The following PLXNB3 variants were observed in gnomAD, a reference collection of about 807,000 sequenced individuals.
PLXNB3 encodes the protein plexin-B3.
Under a neutral mutation model 125.7 loss-of-function variants are expected in PLXNB3, and 80 were observed. The observed-to-expected ratio is 0.64, with a 90% CI of 0.53 to 0.77. The LOEUF (loss-of-function observed/expected upper bound fraction) is 0.77. Ranked by LOEUF, PLXNB3 falls within the 30% of genes least tolerant of loss-of-function variation. PLXNB3 has a pLI of 0.00. For synonymous variants in PLXNB3, 954 were observed against 783.3 expected (o/e 1.22, Z -3.64); for missense variants, 1,836 against 1,729.3 (o/e 1.06, Z -1.09).
Position 153,774,912 on chromosome X carries a change from G to T in PLXNB3, c.3964G>T (p.Asp1322Tyr), listed in dbSNP as rs782642884. Reference sequence around the variant, plus strand: ...GACGGAGATGACCGACCTCAGCAGCGACCTGGAGGGCAGCGGGATCCCCTT... The same window carrying T: ...GACGGAGATGACCGACCTCAGCAGCTACCTGGAGGGCAGCGGGATCCCCTT... Reference protein sequence around the residue: ...LMTEMTDLSSDLEGSGIPFLD... With the variant: ...LMTEMTDLSSYLEGSGIPFLD... Residue 1322 changes from aspartate to tyrosine, a missense_variant, in exon 24 of 36, where the codon GAC (aspartate) becomes TAC (tyrosine). Transcript: ENST00000361971. 8.4e-7 allele frequency: 1 copy of T among 1,191,395 alleles called. No individual in the cohort carries two copies.
chrX:153,772,123 G>GCGTGGAGAAGGTGCGCTCGGTAGCAGCT, intron 15 of PLXNB3, 59 bp from the exon 16 acceptor site: 2 of 1,138,430 alleles, frequency 1.8e-6, no homozygotes, highest in South Asian at 3.9e-5. Flanking sequence ...GTCAGGGGAG[G>GCGTGGAGAAGGTGCGCTCGGTAGCAGCT]GGTGGGCTGT....
rs1485864065 is a variant in PLXNB3 at position 153,775,013 on chromosome X, G to T, written c.4065G>T (p.Glu1355Asp). 3 of 1,206,978 alleles carry T rather than the reference G, an allele frequency of 2.5e-6. No homozygotes were observed. Among genetic ancestry groups the T allele is most frequent in the Non-Finnish European group, 3.4e-6 (3 of 893,266 alleles). ...HGGCPLQPKP[E>D]GPGEDGHCAT... The stretch of plus-strand genomic sequence containing the variant: ...GTTGCCCGCTGCAGCCCAAGCCTGA[G>T]GGGCCAGGGGAGGACGGCCACTGTG... Residue 1355 changes from glutamate (E) to aspartate (D), a missense_variant, in exon 24 of 36, where the codon GAG (glutamate) becomes GAT (aspartate). Physicochemically the swap from Glu to Asp is conservative, Grantham distance 45. Transcript: ENST00000361971.
In PLXNB3 at chrX:153,768,438, C is replaced by T. The variant is rs369042512; in HGVS notation, c.1266+10C>T. 187 of 1,182,510 alleles carry T rather than the reference C, an allele frequency of 1.6e-4. 1 individual carries two copies. The highest frequency in any genetic ancestry group is 1.3e-3 in the African/African-American group (73 of 57,032). On this transcript the variant is annotated intron_variant, in intron 4 of 35. Transcript: ENST00000361971. ...GGGCCAGCTGTACAAGGTGAGGGCC[C>T]GGCCTTGCTGTCCGGCTGGGTGTGC...
Position 153,775,100 on chromosome X carries a change from C to T in PLXNB3, c.4152C>T (p.Leu1384=). ...TGCTCAACAGCAAGCTCTTCCTCCT[C>T]ACGGTGAGGGCCGTGTGGCGGGAGT... ...SNLLNSKLFL[L]TLIHTLEEQP... is the part of the protein sequence containing the mutation. The change falls in exon 24 of 36, where the codon CTC becomes CTT. Residue 1384 remains leucine, a synonymous_variant. Coordinates refer to ENST00000361971, the MANE Select transcript of PLXNB3 (RefSeq NM_005393.3). The T allele has an allele frequency of 1.7e-6, 2 of 1,197,403 alleles. No homozygotes were observed. Among genetic ancestry groups the T allele is most frequent in the Non-Finnish European group, 2.3e-6 (2 of 888,032 alleles).
rs782313304 is a variant in PLXNB3 at position 153,773,926 on chromosome X, G to C, written c.3347G>C (p.Arg1116Thr). ...LLCRSPAVPD[R>T]AHPQRVFFTL... ...TGCCGGAGCCCTGCTGTACCAGACA[G>C]AGCCCACCCGCAGCGGGTCTTCTTC... Residue 1116 changes from arginine to threonine, a missense_variant, in exon 20 of 36, where the codon AGA becomes ACA. Coordinates refer to ENST00000361971, the MANE Select transcript of PLXNB3 (RefSeq NM_005393.3). 7.4e-6 allele frequency: 9 copies of C among 1,210,174 alleles called. No individual in the cohort carries two copies. Among genetic ancestry groups the C allele is most frequent in the Non-Finnish European group, 8.9e-6 (8 of 895,220 alleles).
At position 153,770,946 on chromosome X, in the gene PLXNB3, T is replaced by A; in HGVS notation, c.2137-19T>A. ...TCTGCCAACAGCGTGTCCACACTCC[T>A]GACAGCGTCCTTCCCCAGGGCCTGC... On this transcript the variant is annotated intron_variant, in intron 11 of 35. Transcript: ENST00000361971. The A allele has an allele frequency of 8.3e-7, 1 of 1,208,612 alleles. No individual in the cohort carries two copies.
intron 6 of PLXNB3, 91 bp from the exon 7 acceptor site, chrX:153,769,713 CACT>C: frequency 1.1e-6 from 1 of 935,108 alleles, no homozygotes. Context: ...CACCCCACTG[CACT>C]CCAGCTGGGC....
chrX:153,778,182 C>T, intron 32 of PLXNB3, 79 bp from the exon 33 acceptor site: 1 of 1,196,776 alleles, frequency 8.4e-7, no homozygotes, highest in Non-Finnish European at 1.1e-6. Flanking sequence ...GCACAGAGCT[C>T]TGGGTGGGCA....
chrX:153,778,586 C>T lies in PLXNB3; in HGVS notation c.5551-14C>T, dbSNP rs782521303. The T allele has an allele frequency of 2.3e-5, 27 of 1,195,069 alleles. No homozygotes were observed. The highest frequency in any genetic ancestry group is 2.3e-4 in the Middle Eastern group (1 of 4,317). On this transcript the variant is annotated splice_polypyrimidine_tract_variant and intron_variant, in intron 34 of 35. Transcript: ENST00000361971. Reference sequence around the variant, plus strand: ...GCTGGGACCTCACTGCCCCCCTCCACGTGGTGCCCCCAGAACTACACTTCT... The same window carrying T: ...GCTGGGACCTCACTGCCCCCCTCCATGTGGTGCCCCCAGAACTACACTTCT...
chrX:153,774,149 T>C (rs372457629), intron 20 of PLXNB3, 37 bp from the exon 21 acceptor site: 44 of 1,201,635 alleles, frequency 3.7e-5, no homozygotes, highest in Non-Finnish European at 4.7e-5. Flanking sequence ...GCCGCCTCTG[T>C]GGGGGCCAGC....
chrX:153,768,262 C>T lies in PLXNB3; in HGVS notation c.1100C>T (p.Ser367Leu), dbSNP rs1444686074. 9.2e-6 allele frequency: 11 copies of T among 1,189,950 alleles called. No homozygotes were observed. In the East Asian group the frequency reaches 1.2e-4, roughly 13 times the overall value. ...CVTLPLDSPE[S>L]YPCGDEHTPS... ...CCTGCCACGTAGGATTCCCCCGAGTCGTACCCCTGTGGCGACGAGCACACC... is the reference window on the plus strand; with the variant it reads ...CCTGCCACGTAGGATTCCCCCGAGTTGTACCCCTGTGGCGACGAGCACACC... The change falls in exon 4 of 36, where the codon TCG becomes TTG. Residue 367 changes from serine to leucine, a missense_variant. By Grantham distance (145) the Ser-to-Leu change is moderately radical (BLOSUM62 -2). Coordinates refer to ENST00000361971, the MANE Select transcript of PLXNB3 (RefSeq NM_005393.3).
Position 153,770,750 on chromosome X carries a change from T to C in PLXNB3, c.2011-8T>C. ...GTTCTGAAGGGCTGAGGGCTCTTGT[T>C]TTCCCAGGTGGACATCCAGGTGCGT... is the stretch of plus-strand genomic sequence containing the variant. On this transcript the variant is annotated splice_region_variant and splice_polypyrimidine_tract_variant and intron_variant, in intron 10 of 35. Transcript: ENST00000361971. The C allele has an allele frequency of 8.3e-7, 1 of 1,203,945 alleles. No homozygotes were observed. The highest frequency in any genetic ancestry group is 1.1e-6 in the Non-Finnish European group (1 of 890,008).
intron 2 of PLXNB3, chrX:153,766,247 T>C: frequency 8.6e-7 from 1 of 1,166,363 alleles, no homozygotes; most frequent in Non-Finnish European, 1.1e-6. Flanking sequence ...GACTTGCTCC[T>C]TGCTCAGCCC....
Position 153,771,944 on chromosome X carries a change from T to C in PLXNB3, c.2598T>C (p.Asp866=), listed in dbSNP as rs1339240030. 5.8e-6 allele frequency: 7 copies of C among 1,209,711 alleles called. No homozygotes were observed. Among genetic ancestry groups the C allele is most frequent in the South Asian group, 5.3e-5 (3 of 56,988 alleles). The change falls in exon 15 of 36, where the codon GAT becomes GAC. Residue 866 remains aspartate, a synonymous_variant. Transcript: ENST00000361971. ...LGSNLGRAFA[D]VQYAVSVASR... ...CCAACCTGGGCCGGGCCTTCGCCGA[T>C]GTGCAGTACGCCGTGAGCGTGGCCA... is the stretch of plus-strand genomic sequence containing the variant.
rs782536630 is a variant in PLXNB3 at position 153,772,165 on chromosome X, A to G, written c.2670-17A>G. On this transcript the variant is annotated splice_polypyrimidine_tract_variant and intron_variant, in intron 15 of 35. Coordinates refer to ENST00000361971, the MANE Select transcript of PLXNB3 (RefSeq NM_005393.3). ...CGTCCCTGAGCCCTGAGCAGCTCCC[A>G]GGCCTCGGCTTTCCAGGATTGTGTG... 1 of 997,352 alleles carries G rather than the reference A, an allele frequency of 1.0e-6. No homozygotes were observed. The highest frequency in any genetic ancestry group is 1.3e-6 in the Non-Finnish European group (1 of 780,958). The allele number at this position is 997,352 out of a possible 1,213,427, so 82.2% of individuals were successfully genotyped here.
intron 9 of PLXNB3, 39 bp downstream of exon 9, chrX:153,770,485 A>T (rs376548741): frequency 8.3e-7 from 1 of 1,198,345 alleles, no homozygotes; most frequent in African/African-American, 1.8e-5. Flanking sequence ...AGGGGTGGCG[A>T]CCCCAGAGGG....
Position 153,773,524 on chromosome X carries a change from G to A in PLXNB3, c.3090G>A (p.Gly1030=). Residue 1030 remains glycine, a synonymous_variant, in exon 19 of 36, where the codon GGG becomes GGA. Transcript: ENST00000361971. The stretch of plus-strand genomic sequence containing the variant: ...GACTGCCATCCTGGTACAGGGGTGG[G>A]CGACTGATCCGTGTCAGGGGCACCG... ...AEPSASFRGG[G]RLIRVRGTGL... The A allele has an allele frequency of 8.4e-7, 1 of 1,196,192 alleles. No individual in the cohort carries two copies. Among genetic ancestry groups the A allele is most frequent in the Non-Finnish European group, 1.1e-6 (1 of 886,688 alleles).
chrX:153,772,003 G>A lies in PLXNB3; in HGVS notation c.2657G>A (p.Arg886His), dbSNP rs782764892. 26 of 1,193,404 alleles carry A rather than the reference G, an allele frequency of 2.2e-5. No individual in the cohort carries two copies. Among genetic ancestry groups the A allele is most frequent in the African/African-American group, 1.9e-4 (11 of 57,350 alleles). The stretch of plus-strand genomic sequence containing the variant: ...TGCAACCCTGAGCCCTCTCTCTACC[G>A]CACGTCGGCCCGGTGAGGCACTTGG... Reference protein sequence around the residue: ...RPCNPEPSLYRTSARIVCVTS... With the variant: ...RPCNPEPSLYHTSARIVCVTS... Residue 886 changes from arginine (R) to histidine (H), a missense_variant, in exon 15 of 36, where the codon CGC (arginine) becomes CAC (histidine). Physicochemically the swap from Arg to His is conservative, Grantham distance 29. Transcript: ENST00000361971.
chrX:153,777,412 G>A, intron 30 of PLXNB3, 32 bp downstream of exon 30: 1 of 1,182,202 alleles, frequency 8.5e-7, no homozygotes, highest in East Asian at 3.0e-5. Context: ...GGGCCTGAGA[G>A]GAGGCTCAGC....
Sources: allele counts gnomAD v4.1 joint callset, GRCh38; gene constraint gnomAD v4.1.1; transcripts MANE v1.5; gene names NCBI Gene and HGNC (gene_info 2026-07-23, HGNC 2026-07-21).